Variants in TCN1 observed in about 807,000 individuals in gnomAD.
TCN1 encodes the protein transcobalamin 1.
Under a neutral mutation model 46.3 loss-of-function variants are expected in TCN1, and 47 were observed. That is an observed-to-expected ratio of 1.01 (90% confidence interval 0.80 to 1.29). TCN1 has a LOEUF of 1.29. Ranked by LOEUF, TCN1 falls within the 50% of genes most tolerant of loss-of-function variation. The probability of loss-of-function intolerance (pLI) is 0.00; values close to 1 mark genes in which losing one functional copy is unlikely to be tolerated. For synonymous variants in TCN1, 183 were observed against 192.5 expected, an observed-to-expected ratio of 0.95 and a Z score of 0.41; for missense variants, 532 against 511.0, an observed-to-expected ratio of 1.04 and a Z score of -0.40.
intron 6 of TCN1, among the ~76,000 whole-genome samples, chr11:59,855,417 T>C (rs1006718422): frequency 1.3e-5 from 2 of 152,176 alleles, no homozygotes; most frequent in Non-Finnish European, 2.9e-5. Flanking sequence ...TTCTACCTGG[T>C]TGCAAGGTCA....
chr11:59,861,305 C>T (rs1853012057), intron 4 of TCN1, among the ~76,000 whole-genome samples: 1 of 152,142 alleles, frequency 6.6e-6, no homozygotes. Flanking sequence ...CAAAGAAGAG[C>T]TGGAGCAGAA....
intron 6 of TCN1, 53 bp from the exon 7 acceptor site, chr11:59,854,888 T>TAG (rs2135104918): frequency 6.2e-7 from 1 of 1,604,162 alleles, no homozygotes; most frequent in Non-Finnish European, 8.5e-7. Flanking sequence ...AAAATGATAT[T>TAG]AGAGTTTGCA....
chr11:59,860,110 A>AGTGTTTTTTGTTTGT (rs561609353), intron 4 of TCN1, among the ~76,000 whole-genome samples: 92 of 151,962 alleles, frequency 6.1e-4, no homozygotes, highest in African/African-American at 1.7e-3. Flanking sequence ...TGCTGTCTGG[A>AGTGTTTTTTGTTTGT]GTGTTTTTTG....
Position 59,861,578 on chromosome 11 carries a change from G to C in TCN1, c.505C>G (p.His169Asp), listed in dbSNP as rs1273915693. Residue 169 changes from histidine (H) to aspartate (D), a missense_variant, in exon 4 of 9, where the codon CAC (histidine) becomes GAC (aspartate). Coordinates refer to ENST00000257264, the MANE Select transcript of TCN1 (RefSeq NM_001062.4). ...TAGTTTTTATTTTCAGGAGTGAAGT[G>C]GTTGACAACTTCGGCGGTTGAGTAG... ...GNYSTAEVVN[H>D]FTPENKNYYF... The C allele has an allele frequency of 5.6e-6, 9 of 1,613,976 alleles. No homozygotes were observed. The highest frequency in any genetic ancestry group is 2.7e-5 in the African/African-American group (2 of 74,922).
chr11:59,861,105 C>T (rs1853010490), intron 4 of TCN1, among the ~76,000 whole-genome samples: 1 of 152,200 alleles, frequency 6.6e-6, no homozygotes, highest in Non-Finnish European at 1.5e-5. Context: ...GTTCAAGACT[C>T]TCGAGGTATC....
chr11:59,856,265 A>G lies in TCN1; in HGVS notation c.748-207T>C, dbSNP rs371243382. 4.7e-3 allele frequency among the ~76,000 whole-genome samples: 713 copies of G among 152,292 alleles called. 2 individuals carry two copies. The highest frequency in any genetic ancestry group is 8.0e-3 in the Non-Finnish European group (542 of 68,022). On this transcript the variant is annotated intron_variant, in intron 5 of 8. Coordinates refer to ENST00000257264, the MANE Select transcript of TCN1 (RefSeq NM_001062.4). ...CAGAAGCTTATAAACTAGTTTGGGCAGGGAGGTTGGAACTGCTTAATAACA... is the reference window on the plus strand; with the variant it reads ...CAGAAGCTTATAAACTAGTTTGGGCGGGGAGGTTGGAACTGCTTAATAACA...
At chr11:59,854,976 T>C (rs1459266723) in intron 6 of TCN1, 141 bp from the exon 7 acceptor site, 3 of 899,122 alleles carry the variant, frequency 3.3e-6, no homozygotes, top group Non-Finnish European at 5.2e-6. Context: ...TTATCATCAC[T>C]CAAGGGGCAA....
rs1045973245 is a variant in TCN1 at position 59,853,311 on chromosome 11, C to G, written c.1132G>C (p.Glu378Gln). The part of the protein sequence containing the change: ...MNDTIFGFTM[E>Q]ERSWGPYITC... ...ATATAGGGCCCCCATGAGCGCTCCT[C>G]CATTGTGAAACTGTGGGTGACAGCA... Residue 378 changes from glutamate (E) to glutamine (Q), a missense_variant, in exon 8 of 9, where the codon GAG becomes CAG. Physicochemically the swap from Glu to Gln is conservative, Grantham distance 29 (BLOSUM62 2). Transcript: ENST00000257264. 6.2e-7 allele frequency: 1 copy of G among 1,613,992 alleles called. No homozygotes were observed. Among genetic ancestry groups the G allele is most frequent in the East Asian group, 2.2e-5 (1 of 44,872 alleles).
At chr11:59,862,309 G>C (rs1853022788) in intron 3 of TCN1, among the ~76,000 whole-genome samples, 1 of 151,934 alleles carries the variant, frequency 6.6e-6, no homozygotes, top group Non-Finnish European at 1.5e-5. Flanking sequence ...ATGGTGACTT[G>C]TGTGTGTGCA....
chr11:59,863,761 G>T, intron 2 of TCN1, 146 bp downstream of exon 2: 1 of 936,088 alleles, frequency 1.1e-6, no homozygotes, highest in Non-Finnish European at 1.7e-6. Context: ...TTGTATTTTG[G>T]GCATGTTTCT....
chr11:59,858,142 T>C (rs1852966968), intron 5 of TCN1, among the ~76,000 whole-genome samples: 1 of 152,216 alleles, frequency 6.6e-6, no homozygotes, highest in South Asian at 2.1e-4. Context: ...TCTTGTGCTT[T>C]GGGGCCATTA....
In TCN1 at chr11:59,866,403, C is replaced by T. The variant is rs746935644; in HGVS notation, c.68G>A (p.Cys23Tyr). Residue 23 changes from cysteine (C) to tyrosine (Y), a missense_variant, in exon 1 of 9, where the codon TGC becomes TAC. Coordinates refer to ENST00000257264, the MANE Select transcript of TCN1 (RefSeq NM_001062.4). The part of the protein sequence containing the change: ...LLFSFIPSQL[C>Y]EICEVSEENY... ...CAAAGTTTACTCACCACAAATCTCGCATAGTTGGCTTGGAATAAAAGAAAA... is the reference window on the plus strand; with the variant it reads ...CAAAGTTTACTCACCACAAATCTCGTATAGTTGGCTTGGAATAAAAGAAAA... 1.4e-5 allele frequency: 22 copies of T among 1,613,318 alleles called. No homozygotes were observed. The highest frequency in any genetic ancestry group is 1.1e-5 in the South Asian group (1 of 91,078).
chr11:59,861,498 T>C (rs763312478), intron 4 of TCN1, 29 bp downstream of exon 4: 3 of 1,612,356 alleles, frequency 1.9e-6, no homozygotes, highest in Non-Finnish European at 2.5e-6. Context: ...ATGTCCTCTG[T>C]ACCAAGGGAA....
chr11:59,855,128 T>C (rs2135105048), intron 6 of TCN1, among the ~76,000 whole-genome samples: 1 of 152,188 alleles, frequency 6.6e-6, no homozygotes, highest in South Asian at 2.1e-4. Flanking sequence ...TTTTTTTTTC[T>C]TTTTTTGCCT....
At chr11:59,856,412 T>TAC (rs1852938937) in intron 5 of TCN1, among the ~76,000 whole-genome samples, 1 of 151,266 alleles carries the variant, frequency 6.6e-6, no homozygotes, top group Non-Finnish European at 1.5e-5. Context: ...GTAAAAGGAG[T>TAC]TGCCAGAGGA....
chr11:59,853,269 G>C lies in TCN1; in HGVS notation c.1174C>G (p.Leu392Val). The C allele has an allele frequency of 1.2e-6, 2 of 1,614,020 alleles. No individual in the cohort carries two copies. Among genetic ancestry groups the C allele is most frequent in the Non-Finnish European group, 8.5e-7 (1 of 1,179,992 alleles). ...WGPYITCIQG[L>V]CANNNDRTYW... is the part of the protein sequence containing the mutation. ...GTTCTGTCATTATTGTTGGCACATAGGCCCTGAATACAGGTGATATAGGGC... is the reference window on the plus strand; with the variant it reads ...GTTCTGTCATTATTGTTGGCACATACGCCCTGAATACAGGTGATATAGGGC... Residue 392 changes from leucine (L) to valine (V), a missense_variant, in exon 8 of 9, where the codon CTA becomes GTA. Physicochemically the swap from Leu to Val is conservative, Grantham distance 32. Transcript: ENST00000257264.
chr11:59,854,710 C>A lies in TCN1; in HGVS notation c.1063G>T (p.Gly355Cys). ...TCCATCACACTGAGGAAGACAGAAC[C>A]ATTTAGCACAGTGACATTGGTGAAA... ...TYFTNVTVLN[G>C]SVFLSVMEKA... The change falls in exon 7 of 9, where the codon GGT becomes TGT. Residue 355 changes from glycine (G) to cysteine (C), a missense_variant. Physicochemically the swap from Gly to Cys is radical, Grantham distance 159. Transcript: ENST00000257264. The A allele has an allele frequency of 6.2e-7, 1 of 1,613,932 alleles. No homozygotes were observed. Among genetic ancestry groups the A allele is most frequent in the Middle Eastern group, 1.7e-4 (1 of 6,058 alleles).
intron 7 of TCN1, among the ~76,000 whole-genome samples, chr11:59,853,567 A>G (rs981391614): frequency 6.6e-6 from 1 of 152,202 alleles, no homozygotes; most frequent in African/African-American, 2.4e-5. Context: ...AATTAGAGAA[A>G]TGATGCTCAT....
At chr11:59,865,936 A>C (rs1378707244) in intron 1 of TCN1, among the ~76,000 whole-genome samples, 2 of 152,206 alleles carry the variant, frequency 1.3e-5, no homozygotes, top group Non-Finnish European at 2.9e-5. Flanking sequence ...ACAAGACAGC[A>C]GTCATCACTA....
Sources: allele counts gnomAD v4.1 joint callset (sites outside exome capture counted in the v4.1 genomes callset), GRCh38; gene constraint gnomAD v4.1.1; transcripts MANE v1.5; gene names NCBI Gene and HGNC (gene_info 2026-07-23, HGNC 2026-07-21).